The following FLRT2 variants were observed in gnomAD, a reference collection of about 807,000 sequenced individuals.
FLRT2 encodes the protein fibronectin leucine rich transmembrane protein 2, also known as leucine-rich repeat transmembrane protein FLRT2.
Under a neutral mutation model 40.0 loss-of-function variants are expected in FLRT2, and 15 were observed. The observed-to-expected ratio is 0.38, with a 90% CI of 0.25 to 0.58. FLRT2 has a LOEUF of 0.58. Among genes scored for constraint, FLRT2 ranks in the 20% least tolerant of loss-of-function variants. The probability of loss-of-function intolerance (pLI) is 0.71; values close to 1 mark genes in which losing one functional copy is unlikely to be tolerated. For synonymous variants in FLRT2, 380 were observed against 336.8 expected (o/e 1.13, Z -1.41); for missense variants, 726 against 840.0 (o/e 0.86, Z 1.68).
rs1894010827 is a variant in FLRT2 at position 85,636,634 on chromosome 14, A to T, written c.*13137A>T. The T allele has an allele frequency of 6.6e-6, 1 of 152,018 alleles. No homozygotes were observed. The highest frequency in any genetic ancestry group is 2.1e-4 in the South Asian group (1 of 4,830). The allele number at this position is 152,018 out of a possible 1,614,324, so 9.4% of individuals were successfully genotyped here. On this transcript the variant is annotated 3_prime_UTR_variant, in exon 2 of 2. Transcript: ENST00000330753. ...AATAAAATGTTTATATGAAATTACG[A>T]ACATTCTGGGCCGGGTGTGGTGGCT...
At chr14:85,548,007 A>G (rs541544275) in intron 1 of FLRT2, among the ~76,000 whole-genome samples, 2 of 152,320 alleles carry the variant, frequency 1.3e-5, no homozygotes, top group Admixed American at 6.5e-5. Flanking sequence ...CAGAGTGGTG[A>G]CTGAATAGAA....
chr14:85,611,618 A>G (rs1449640668), intron 1 of FLRT2, among the ~76,000 whole-genome samples: 1 of 152,152 alleles, frequency 6.6e-6, no homozygotes, highest in Non-Finnish European at 1.5e-5. Flanking sequence ...TGAACCAAGT[A>G]TGATCCTCCC....
chr14:85,605,925 C>G (rs1892590118), intron 1 of FLRT2, among the ~76,000 whole-genome samples: 1 of 152,108 alleles, frequency 6.6e-6, no homozygotes, highest in Non-Finnish European at 1.5e-5. Context: ...TATGTCAACC[C>G]TGACTTCCAG....
At chr14:85,559,242 T>C (rs1377351075) in intron 1 of FLRT2, 2 of 152,158 alleles carry the variant, frequency 1.3e-5, no homozygotes, top group Admixed American at 6.5e-5. Context: ...GGAGCAGAGA[T>C]GCTATGATGG....
intron 1 of FLRT2, among the ~76,000 whole-genome samples, chr14:85,616,430 A>G (rs867347858): frequency 3.3e-5 from 5 of 152,348 alleles, no homozygotes; most frequent in Middle Eastern, 3.4e-3. Context: ...TGATTTTGAA[A>G]CATGAGTTCG....
chr14:85,579,233 T>C (rs1053613342), intron 1 of FLRT2, among the ~76,000 whole-genome samples: 1 of 152,196 alleles, frequency 6.6e-6, no homozygotes, highest in African/African-American at 2.4e-5. Context: ...AGATGCAATC[T>C]ATGCTGCTTA....
Position 85,631,936 on chromosome 14 carries a change from C to G in FLRT2, c.*8439C>G, listed in dbSNP as rs558854986. ...CGCCTCCCGGGTTCAAGCAATTCTC[C>G]TGCCTCAGCCTCCTGCGTAGCTGGG... is the stretch of plus-strand genomic sequence containing the variant. On this transcript the variant is annotated 3_prime_UTR_variant, in exon 2 of 2. Coordinates refer to ENST00000330753, the MANE Select transcript of FLRT2 (RefSeq NM_013231.6). The G allele has an allele frequency of 6.6e-6, 1 of 152,272 alleles. No homozygotes were observed. Among genetic ancestry groups the G allele is most frequent in the East Asian group, 2.0e-4 (1 of 5,040 alleles). 9.4% of individuals were successfully genotyped at this position (152,272 alleles called of 1,614,324 possible). A position where few individuals can be genotyped will look rare whatever the true frequency, so the allele number is the denominator to read the frequency against.
chr14:85,612,040 G>GTC (rs1324101492), intron 1 of FLRT2, among the ~76,000 whole-genome samples: 2 of 98,834 alleles, frequency 2.0e-5, no homozygotes, highest in Non-Finnish European at 3.6e-5. Flanking sequence ...CATGGACTGA[G>GTC]TCAGAATGTA....
At chr14:85,619,084 C>CT (rs11305956) in intron 1 of FLRT2, among the ~76,000 whole-genome samples, 6,688 of 134,224 alleles carry the variant, frequency 0.05, 179 homozygotes, top group South Asian at 0.07. Context: ...TAATGCTTGA[C>CT]TTTTTTTTTT....
rs1386846288 is a variant in FLRT2 at position 85,597,882 on chromosome 14, A to G, written c.-376-23257A>G. Among the ~76,000 whole-genome samples, 6 of 152,264 alleles carry G rather than the reference A, an allele frequency of 3.9e-5. No homozygotes were observed. The East Asian group carries it at 1.2e-3, about 29-fold the overall frequency. On this transcript the variant is annotated intron_variant, in intron 1 of 1. Coordinates refer to ENST00000330753, the MANE Select transcript of FLRT2 (RefSeq NM_013231.6). ...CAAATTGTATACTGATAGATGTTCC[A>G]GCTGAGTGGGACTGCTGAGATGATA...
chr14:85,577,452 A>G (rs573151665), intron 1 of FLRT2, among the ~76,000 whole-genome samples: 1 of 152,156 alleles, frequency 6.6e-6, no homozygotes, highest in Non-Finnish European at 1.5e-5. Context: ...CTAAAAGGAG[A>G]TGCATGGATT....
rs770938545 is a variant in FLRT2, at chr14:85,623,461, C to T, written c.1947C>T (p.Asn649=). Reference sequence around the variant, plus strand: ...TCCCCAACAACATGCGATACTGCAACAGCAGCGTGCCAGACCTGGAGCACT... The same window carrying T: ...TCCCCAACAACATGCGATACTGCAATAGCAGCGTGCCAGACCTGGAGCACT... The part of the protein sequence containing the change: ...CHIPNNMRYC[N]SSVPDLEHCH... Residue 649 remains asparagine (N), a synonymous_variant, in exon 2 of 2, where the codon AAC becomes AAT. Transcript: ENST00000330753. 35 of 1,463,354 alleles carry T rather than the reference C, an allele frequency of 2.4e-5. No homozygotes were observed. The African/African-American group carries it at 3.1e-4, about 13-fold the overall frequency. 90.6% of individuals were successfully genotyped at this position (1,463,354 alleles called of 1,614,324 possible).
chr14:85,558,849 A>G (rs533377594), intron 1 of FLRT2, among the ~76,000 whole-genome samples: 6 of 152,342 alleles, frequency 3.9e-5, no homozygotes, highest in Non-Finnish European at 8.8e-5. Context: ...TGATACTGCT[A>G]TTGCCAGAGC....
In FLRT2 at chr14:85,631,379, A is replaced by AT. The variant is rs930139316; in HGVS notation, c.*7888dup. ...TTATTTTTAGCACCTATATATTGTAATTTTTTGTGAGTCTGCTTCATGCCT... is the reference window on the plus strand; with the variant it reads ...TTATTTTTAGCACCTATATATTGTAATTTTTTTGTGAGTCTGCTTCATGCCT... On this transcript the variant is annotated 3_prime_UTR_variant, in exon 2 of 2. Transcript: ENST00000330753. 1 of 151,942 alleles carries AT rather than the reference A, an allele frequency of 6.6e-6. No homozygotes were observed. Among genetic ancestry groups the AT allele is most frequent in the African/African-American group, 2.4e-5 (1 of 41,350 alleles). 9.4% of individuals were successfully genotyped at this position (151,942 alleles called of 1,614,324 possible).
chr14:85,621,445 A>C lies in FLRT2; in HGVS notation c.-70A>C, dbSNP rs1845361275. On this transcript the variant is annotated 5_prime_UTR_variant, in exon 2 of 2. Transcript: ENST00000330753. ...AACAGAACCCCATCCAGTCATTTTGATTTTGCTGTTTATTTTTTTTTTCTT... is the reference window on the plus strand; with the variant it reads ...AACAGAACCCCATCCAGTCATTTTGCTTTTGCTGTTTATTTTTTTTTTCTT... 7.0e-7 allele frequency: 1 copy of C among 1,428,994 alleles called. No individual in the cohort carries two copies. Among genetic ancestry groups the C allele is most frequent in the Non-Finnish European group, 9.4e-7 (1 of 1,061,110 alleles). 88.5% of individuals were successfully genotyped at this position (1,428,994 alleles called of 1,614,324 possible).
chr14:85,546,737 C>T (rs952100708), intron 1 of FLRT2, among the ~76,000 whole-genome samples: 12 of 152,320 alleles, frequency 7.9e-5, no homozygotes, highest in Admixed American at 3.3e-4. Context: ...TACATGCATC[C>T]GTCAAGAATC....
At chr14:85,587,296 A>AG (rs1202019340) in intron 1 of FLRT2, among the ~76,000 whole-genome samples, 1 of 141,924 alleles carries the variant, frequency 7.0e-6, no homozygotes, top group Non-Finnish European at 1.6e-5. Context: ...GGAAAAAAAA[A>AG]AAAAAAAAAG....
chr14:85,610,794 T>C (rs1239259650), intron 1 of FLRT2, among the ~76,000 whole-genome samples: 2 of 152,370 alleles, frequency 1.3e-5, no homozygotes, highest in East Asian at 1.9e-4. Flanking sequence ...CATATTTAAA[T>C]CTACCTGACA....
intron 1 of FLRT2, among the ~76,000 whole-genome samples, chr14:85,544,820 A>G (rs759007074): frequency 6.6e-6 from 1 of 152,198 alleles, no homozygotes; most frequent in Non-Finnish European, 1.5e-5. Flanking sequence ...TTGATGGACA[A>G]AGTTGACTTG....
Sources: allele counts gnomAD v4.1 joint callset (sites outside exome capture counted in the v4.1 genomes callset), GRCh38; gene constraint gnomAD v4.1.1; transcripts MANE v1.5; gene names NCBI Gene and HGNC (gene_info 2026-07-23, HGNC 2026-07-21).